SMARCC1: variants seen among roughly 807,000 people sequenced by gnomAD.
The protein encoded by SMARCC1 is SWI/SNF related BAF chromatin remodeling complex subunit C1.
SMARCC1 carries 43 observed loss-of-function variants against 147.4 expected under a neutral mutation model. That is an observed-to-expected ratio of 0.29 (90% CI 0.23 to 0.38). SMARCC1 has a LOEUF of 0.38. SMARCC1 is among the 10% of genes least tolerant of loss of function. The pLI, the probability that SMARCC1 is intolerant of heterozygous loss-of-function variation, is 1.00. For synonymous variants in SMARCC1, 495 were observed against 484.4 expected (o/e 1.02, Z -0.29); for missense variants, 1,119 against 1,381.1 (o/e 0.81, Z 3.01).
intron 11 of SMARCC1, among the ~76,000 whole-genome samples, chr3:47,693,664 C>A (rs1205863419): frequency 6.6e-6 from 1 of 151,976 alleles, no homozygotes; most frequent in Non-Finnish European, 1.5e-5. Flanking sequence ...AGAACTAATA[C>A]CTTTTTAGTT....
chr3:47,595,399 C>T (rs372572526), intron 26 of SMARCC1, among the ~76,000 whole-genome samples: 2 of 152,042 alleles, frequency 1.3e-5, no homozygotes, highest in African/African-American at 4.8e-5. Flanking sequence ...CGGTGGTGGG[C>T]ACCTGTAATC....
At chr3:47,694,804 A>C (rs952711743) in intron 11 of SMARCC1, among the ~76,000 whole-genome samples, 4 of 152,240 alleles carry the variant, frequency 2.6e-5, no homozygotes, top group Non-Finnish European at 5.9e-5. Flanking sequence ...ATCTGTTCAC[A>C]CACTTCTTGG....
At chr3:47,683,524 G>A (rs77359406) in intron 14 of SMARCC1, among the ~76,000 whole-genome samples, 2,553 of 152,096 alleles carry the variant, frequency 0.017, 82 homozygotes, top group African/African-American at 0.058. Context: ...AAAATAACAC[G>A]GTAATCATTG....
chr3:47,716,415 CAAAA>C (rs776727634), intron 7 of SMARCC1, among the ~76,000 whole-genome samples: 3 of 51,946 alleles, frequency 5.8e-5, no homozygotes, highest in Non-Finnish European at 7.3e-5. Flanking sequence ...GACTCCATCT[CAAAA>C]AAAAAAAAAA....
chr3:47,717,981 C>T (rs991602731), intron 7 of SMARCC1, among the ~76,000 whole-genome samples: 4 of 151,202 alleles, frequency 2.6e-5, no homozygotes, highest in African/African-American at 9.7e-5. Context: ...TACAGAGCAC[C>T]CCCCCTGCCC....
chr3:47,689,908 T>C (rs1353975748), intron 12 of SMARCC1, among the ~76,000 whole-genome samples: 1 of 152,150 alleles, frequency 6.6e-6, no homozygotes, highest in Admixed American at 6.6e-5. Flanking sequence ...AACTAGACAG[T>C]TGATTTCCAC....
chr3:47,678,263 G>C lies in SMARCC1; in HGVS notation c.1506C>G (p.Pro502=). The change falls in exon 16 of 28, where the codon CCC becomes CCG. Residue 502 remains proline, a synonymous_variant. Coordinates refer to ENST00000254480, the MANE Select transcript of SMARCC1 (RefSeq NM_003074.4). ...AAGCAGTGCTAGTTAAATACTCTTG[G>C]GGGTTTAGACGATACGTGTCAATCA... is the stretch of plus-strand genomic sequence containing the variant. The part of the protein sequence containing the change: ...NFMIDTYRLN[P]QEYLTSTACR... 1.2e-6 allele frequency: 2 copies of C among 1,607,328 alleles called. No individual in the cohort carries two copies. Among genetic ancestry groups the C allele is most frequent in the Non-Finnish European group, 8.5e-7 (1 of 1,177,244 alleles).
chr3:47,633,761 A>T (rs1367132727), intron 24 of SMARCC1, among the ~76,000 whole-genome samples: 98 of 31,510 alleles, frequency 3.1e-3, no homozygotes, highest in South Asian at 0.018. Context: ...AAAAAAAAAA[A>T]AAATATATAT....
chr3:47,690,557 T>C (rs190341399), intron 12 of SMARCC1, among the ~76,000 whole-genome samples: 47 of 152,086 alleles, frequency 3.1e-4, no homozygotes, highest in South Asian at 1.7e-3. Flanking sequence ...CTGAGCAAAA[T>C]AGACAAACCA....
chr3:47,726,375 G>A (rs2034300477), intron 6 of SMARCC1, among the ~76,000 whole-genome samples: 1 of 151,244 alleles, frequency 6.6e-6, no homozygotes, highest in Admixed American at 6.6e-5. Flanking sequence ...AGCTCTACAT[G>A]GTGGAACGCT....
At position 47,636,006 on chromosome 3, in the gene SMARCC1, A is replaced by G. The variant is rs757443509; in HGVS notation, c.2491+16T>C. The G allele has an allele frequency of 4.3e-6, 5 of 1,173,892 alleles. No individual in the cohort carries two copies. The highest frequency in any genetic ancestry group is 6.3e-6 in the Non-Finnish European group (5 of 790,410). 72.7% of individuals were successfully genotyped at this position (1,173,892 alleles called of 1,614,324 possible). A position where few individuals can be genotyped will look rare whatever the true frequency, so the allele number is the denominator to read the frequency against. On this transcript the variant is annotated intron_variant, in intron 23 of 27. Transcript: ENST00000254480. ...CAGTTTTACATAATAATATCTAAGG[A>G]GTTTCCTCAAATTACCTGATTTGGT...
At chr3:47,615,638 C>T (rs1209678808) in intron 25 of SMARCC1, among the ~76,000 whole-genome samples, 2 of 152,160 alleles carry the variant, frequency 1.3e-5, no homozygotes, top group African/African-American at 4.8e-5. Flanking sequence ...GTTCCGAGTT[C>T]CCTAATAGTC....
In SMARCC1 at chr3:47,693,284, A is replaced by G. The variant is rs2033812047; in HGVS notation, c.1182T>C (p.Asp394=). 8 of 1,588,218 alleles carry G rather than the reference A, an allele frequency of 5.0e-6. No homozygotes were observed. The highest frequency in any genetic ancestry group is 6.9e-6 in the Non-Finnish European group (8 of 1,156,870). Residue 394 remains aspartate, a synonymous_variant, in exon 12 of 28, where the codon GAT becomes GAC. Transcript: ENST00000254480. Reference sequence around the variant, plus strand: ...CTCCTTTAACAGGTGTATTTTCACTATCTTTCTTTAGGTTCACTAGAAAAA... The same window carrying G: ...CTCCTTTAACAGGTGTATTTTCACTGTCTTTCTTTAGGTTCACTAGAAAAA... The part of the protein sequence containing the change: ...VLPKNVNLKK[D]SENTPVKGGT...
At chr3:47,719,286 T>C (rs753143337) in intron 7 of SMARCC1, among the ~76,000 whole-genome samples, 26 of 152,206 alleles carry the variant, frequency 1.7e-4, no homozygotes, top group Admixed American at 5.9e-4. Flanking sequence ...GAAACTAGTA[T>C]GGGTTATAAC....
intron 6 of SMARCC1, among the ~76,000 whole-genome samples, 166 bp downstream of exon 6, chr3:47,728,859 T>C (rs1202790423): frequency 6.6e-6 from 1 of 152,114 alleles, no homozygotes; most frequent in Non-Finnish European, 1.5e-5. Context: ...GGCAGTGAGC[T>C]GAGATCGCGC....
At chr3:47,610,403 A>G in intron 25 of SMARCC1, 76 bp from the exon 26 acceptor site, 1 of 1,494,352 alleles carries the variant, frequency 6.7e-7, no homozygotes, top group Non-Finnish European at 9.3e-7. Context: ...GGACAACTAC[A>G]TAATGCCTGA....
chr3:47,725,026 T>C (rs1479886798), intron 6 of SMARCC1, among the ~76,000 whole-genome samples: 4 of 30,158 alleles, frequency 1.3e-4, no homozygotes, highest in Non-Finnish European at 2.7e-4. Context: ...AAAAAGACTG[T>C]CTCCACAAAA....
chr3:47,682,310 A>C (rs893160790), intron 14 of SMARCC1, among the ~76,000 whole-genome samples: 7 of 151,438 alleles, frequency 4.6e-5, no homozygotes, highest in African/African-American at 1.5e-4. Context: ...AAAAAAAAAA[A>C]CAAACAACAA....
chr3:47,627,132 A>G (rs2032821903), intron 24 of SMARCC1, among the ~76,000 whole-genome samples: 1 of 152,122 alleles, frequency 6.6e-6, no homozygotes, highest in Non-Finnish European at 1.5e-5. Flanking sequence ...GGAAATGGGG[A>G]GCTTTTGTAA....
Sources: gnomAD v4.1 joint callset for allele counts (sites outside exome capture counted in the v4.1 genomes callset) on GRCh38, gnomAD v4.1.1 for gene constraint, MANE v1.5 for transcripts, NCBI Gene and HGNC (gene_info 2026-07-23, HGNC 2026-07-21) for gene names.